The following CLVS2 variants were observed in gnomAD, a reference collection of about 807,000 sequenced individuals.
The protein encoded by CLVS2 is clavesin 2.
CLVS2 carries 19 observed loss-of-function variants against 29.0 expected under a neutral mutation model. That is an observed-to-expected ratio of 0.66 (90% CI 0.46 to 0.96). The LOEUF is 0.96. Ranked by LOEUF, CLVS2 falls within the 40% of genes least tolerant of loss-of-function variation. The pLI is 0.00. For synonymous variants in CLVS2, 161 were observed against 151.3 expected (o/e 1.06, Z -0.47); for missense variants, 294 against 404.1 (o/e 0.73, Z 2.34).
chr6:123,025,456 G>C (rs1774987621), intron 3 of CLVS2, among the ~76,000 whole-genome samples: 1 of 152,118 alleles, frequency 6.6e-6, no homozygotes, highest in Non-Finnish European at 1.5e-5. Context: ...CCTGTTTTAA[G>C]TTCCTCTCCA....
chr6:123,063,855 C>A lies in CLVS2; in HGVS notation c.*94C>A, dbSNP rs966874672. 2 of 808,294 alleles carry A rather than the reference C, an allele frequency of 2.5e-6. No homozygotes were observed. Among genetic ancestry groups the A allele is most frequent in the South Asian group, 1.6e-5 (1 of 60,872 alleles). 50.1% of individuals were successfully genotyped at this position (808,294 alleles called of 1,614,324 possible). The stretch of plus-strand genomic sequence containing the variant: ...TGTAGAGGAATTACCAGCTGGAAAC[C>A]GACTTATTCATGTTAATGTAGCATA... On this transcript the variant is annotated 3_prime_UTR_variant, in exon 6 of 6. Transcript: ENST00000275162.
chr6:123,046,616 G>T (rs1011499974), intron 3 of CLVS2, among the ~76,000 whole-genome samples: 1 of 150,754 alleles, frequency 6.6e-6, no homozygotes, highest in Non-Finnish European at 1.5e-5. Context: ...CCGAGATTGC[G>T]CCACTGCACT....
intron 2 of CLVS2, among the ~76,000 whole-genome samples, chr6:123,002,814 A>G (rs1238715521): frequency 4.6e-5 from 7 of 152,212 alleles, no homozygotes; most frequent in Non-Finnish European, 8.8e-5. Flanking sequence ...ACCTACTGGC[A>G]GAGTCTGGAG....
At position 123,072,467 on chromosome 6, in the gene CLVS2, AG is replaced by A. The variant is rs945262619; in HGVS notation, c.*8707del. ...TAACAGTTCGGAAAACATTCTCTAG[AG>A]AAGAGACTAATGATTCTTGCTCACA... is the stretch of plus-strand genomic sequence containing the variant. On this transcript the variant is annotated 3_prime_UTR_variant, in exon 6 of 6. Transcript: ENST00000275162. 2 of 152,114 alleles carry A rather than the reference AG, an allele frequency of 1.3e-5. No homozygotes were observed. Among genetic ancestry groups the A allele is most frequent in the African/African-American group, 4.8e-5 (2 of 41,440 alleles). 9.4% of individuals were successfully genotyped at this position (152,114 alleles called of 1,614,324 possible).
At chr6:123,008,558 G>T (rs79465490) in intron 2 of CLVS2, among the ~76,000 whole-genome samples, 1 of 152,076 alleles carries the variant, frequency 6.6e-6, no homozygotes, top group African/African-American at 2.4e-5. Context: ...TGGTATTAAT[G>T]CTATTTGATT....
intron 3 of CLVS2, among the ~76,000 whole-genome samples, chr6:123,015,357 C>T (rs1774811580): frequency 6.6e-6 from 1 of 151,962 alleles, no homozygotes; most frequent in African/African-American, 2.4e-5. Flanking sequence ...TGACTTAGAT[C>T]AAAGGAAAGA....
At chr6:123,028,832 C>T (rs1247834441) in intron 3 of CLVS2, among the ~76,000 whole-genome samples, 2 of 152,040 alleles carry the variant, frequency 1.3e-5, no homozygotes, top group Non-Finnish European at 2.9e-5. Flanking sequence ...GTGTATTATT[C>T]ACCTTCTAAA....
intron 3 of CLVS2, among the ~76,000 whole-genome samples, chr6:123,012,826 AG>A (rs1335006993): frequency 6.6e-6 from 1 of 151,970 alleles, no homozygotes; most frequent in Non-Finnish European, 1.5e-5. Flanking sequence ...CCTTTTTCCC[AG>A]AACACAAGAC....
chr6:123,048,299 T>A (rs900183177), intron 3 of CLVS2, among the ~76,000 whole-genome samples: 1 of 152,010 alleles, frequency 6.6e-6, no homozygotes, highest in Non-Finnish European at 1.5e-5. Flanking sequence ...ATTTGACAAA[T>A]CTCTAATGAC....
intron 3 of CLVS2, among the ~76,000 whole-genome samples, chr6:123,035,980 G>A (rs60273653): frequency 0.02 from 3,060 of 152,156 alleles, 106 homozygotes; most frequent in African/African-American, 0.071. Flanking sequence ...GTGTGTGGTC[G>A]TCCTGATGTG....
intron 4 of CLVS2, among the ~76,000 whole-genome samples, chr6:123,053,608 A>G (rs1661844683): frequency 1.3e-5 from 2 of 152,186 alleles, no homozygotes; most frequent in Admixed American, 6.5e-5. Flanking sequence ...GATTCCATTT[A>G]GGAAAAATGA....
intron 3 of CLVS2, 112 bp downstream of exon 3, chr6:123,011,271 C>G (rs1774744928): frequency 5.2e-6 from 4 of 763,936 alleles, no homozygotes; most frequent in Non-Finnish European, 7.9e-6. Context: ...CAAAAAAAAT[C>G]TGTAGTTTTT....
Position 123,044,308 on chromosome 6 carries a change from T to G in CLVS2, c.565-4314T>G, listed in dbSNP as rs1403654404. Among the ~76,000 whole-genome samples, 7 of 152,326 alleles carry G rather than the reference T, an allele frequency of 4.6e-5. No homozygotes were observed. The South Asian group carries it at 1.5e-3, about 32-fold the overall frequency. On this transcript the variant is annotated intron_variant, in intron 3 of 5. Transcript: ENST00000275162. ...ACTTTGTAGGTCAAACAACTGCCGC[T>G]TAAACCACAGTGTAAAACTAGCTCT...
chr6:123,016,989 C>T (rs529232168), intron 3 of CLVS2, among the ~76,000 whole-genome samples: 8 of 152,110 alleles, frequency 5.3e-5, no homozygotes, highest in African/African-American at 1.2e-4. Context: ...AAGGCTGGGG[C>T]GTGAGGAGCT....
At chr6:123,014,841 A>AT (rs1774803216) in intron 3 of CLVS2, among the ~76,000 whole-genome samples, 1 of 152,104 alleles carries the variant, frequency 6.6e-6, no homozygotes, top group Non-Finnish European at 1.5e-5. Context: ...CTTTTCTACA[A>AT]TTTTTCTGTA....
rs1772950685 is a variant in CLVS2 at position 123,071,610 on chromosome 6, T to C, written c.*7849T>C. The C allele has an allele frequency of 2.0e-5, 3 of 152,118 alleles. No individual in the cohort carries two copies. The highest frequency in any genetic ancestry group is 4.4e-5 in the Non-Finnish European group (3 of 67,916). 9.4% of individuals were successfully genotyped at this position (152,118 alleles called of 1,614,324 possible). ...AAGTTAAAAGACTATAATTCCAGTA[T>C]TGGAAGCCAGTTTAAGAGAATATGA... On this transcript the variant is annotated 3_prime_UTR_variant, in exon 6 of 6. Coordinates refer to ENST00000275162, the MANE Select transcript of CLVS2 (RefSeq NM_001010852.4).
chr6:123,036,834 C>A (rs890675704), intron 3 of CLVS2, among the ~76,000 whole-genome samples: 1 of 152,146 alleles, frequency 6.6e-6, no homozygotes, highest in Non-Finnish European at 1.5e-5. Context: ...GGACACCACA[C>A]AGTTCTGAAA....
chr6:123,056,320 CCTGT>C (rs1028611311), intron 5 of CLVS2, among the ~76,000 whole-genome samples: 10 of 152,212 alleles, frequency 6.6e-5, no homozygotes, highest in East Asian at 1.9e-4. Context: ...ACTTATTCTT[CCTGT>C]CTAATTGAAA....
intron 3 of CLVS2, among the ~76,000 whole-genome samples, chr6:123,030,896 A>C (rs955903554): frequency 7.3e-5 from 11 of 149,688 alleles, no homozygotes; most frequent in South Asian, 2.1e-4. Flanking sequence ...ATATATATAT[A>C]TCTCATATTC....
Sources: allele counts gnomAD v4.1 joint callset (sites outside exome capture counted in the v4.1 genomes callset), GRCh38; gene constraint gnomAD v4.1.1; transcripts MANE v1.5; gene names NCBI Gene and HGNC (gene_info 2026-07-23, HGNC 2026-07-21).